The following BRI3BP variants were observed in gnomAD, a reference collection of about 807,000 sequenced individuals.
BRI3BP encodes the protein BRI3-binding protein.
A neutral mutation model predicts 15.8 loss-of-function variants in BRI3BP; 7 were observed. The observed-to-expected ratio is 0.44, with a 90% CI of 0.25 to 0.83. The LOEUF (loss-of-function observed/expected upper bound fraction) is 0.83, where lower values mean the gene tolerates loss of function less well. Ranked by LOEUF, BRI3BP falls within the 40% of genes least tolerant of loss-of-function variation. BRI3BP has a pLI of 0.20. For synonymous variants in BRI3BP, 192 were observed against 163.5 expected (o/e 1.17, Z -1.33); for missense variants, 320 against 339.3 (o/e 0.94, Z 0.45).
chr12:125,025,022 C>A lies in BRI3BP; in HGVS notation c.348C>A (p.Ala116=). Reference sequence around the variant, plus strand: ...ACCTGTCCCAGTATTTCAGCCCAGCCTCGGTGTCCAGCAGCCCGGCCCGCG... The same window carrying A: ...ACCTGTCCCAGTATTTCAGCCCAGCATCGGTGTCCAGCAGCCCGGCCCGCG... ...VSNLSQYFSP[A]SVSSSPARAL... Residue 116 remains alanine (A), a synonymous_variant, in exon 3 of 3, where the codon GCC becomes GCA. Coordinates refer to ENST00000341446, the MANE Select transcript of BRI3BP (RefSeq NM_080626.6). 6.2e-7 allele frequency: 1 copy of A among 1,613,326 alleles called. No homozygotes were observed. The highest frequency in any genetic ancestry group is 1.3e-5 in the African/African-American group (1 of 75,060).
chr12:125,047,130 C>T, the BRI3BP span, among the ~76,000 whole-genome samples: 3 of 151,828 alleles, frequency 2.0e-5, no homozygotes, highest in Non-Finnish European at 4.4e-5. Context: ...TATAGCGTAA[C>T]GCAATTTCAG....
At chr12:125,007,371 A>C (rs1020663857) in intron 1 of BRI3BP, among the ~76,000 whole-genome samples, 1 of 152,076 alleles carries the variant, frequency 6.6e-6, no homozygotes, top group Non-Finnish European at 1.5e-5. Context: ...CCAACATAGG[A>C]AAACCCTGTC....
chr12:125,039,348 G>C, the BRI3BP span, among the ~76,000 whole-genome samples: 1 of 152,088 alleles, frequency 6.6e-6, no homozygotes, highest in Non-Finnish European at 1.5e-5. Context: ...TTCTCAGTCA[G>C]TTAAACCAAT....
At chr12:125,004,515 A>G (rs1486526266) in intron 1 of BRI3BP, among the ~76,000 whole-genome samples, 1 of 152,206 alleles carries the variant, frequency 6.6e-6, no homozygotes, top group Non-Finnish European at 1.5e-5. Context: ...TTTTATAAGT[A>G]GAGTTTAAAA....
chr12:125,002,082 T>A (rs1005666082), intron 1 of BRI3BP, among the ~76,000 whole-genome samples: 2 of 152,210 alleles, frequency 1.3e-5, no homozygotes, highest in Admixed American at 6.6e-5. Context: ...TATTCCTCTT[T>A]ATGGCTTTTT....
downstream of BRI3BP, among the ~76,000 whole-genome samples, chr12:125,033,837 G>T (rs776738892): frequency 6.6e-6 from 1 of 151,336 alleles, no homozygotes; most frequent in South Asian, 2.1e-4. Flanking sequence ...CCATCTCCAC[G>T]GTTCAAGCAA....
chr12:125,036,460 A>C, the BRI3BP span, among the ~76,000 whole-genome samples: 1 of 151,960 alleles, frequency 6.6e-6, no homozygotes, highest in Non-Finnish European at 1.5e-5. Context: ...TTTATTTAGT[A>C]ACTGCTCATC....
chr12:125,003,982 C>T (rs1955119941), intron 1 of BRI3BP, among the ~76,000 whole-genome samples: 1 of 150,924 alleles, frequency 6.6e-6, no homozygotes, highest in African/African-American at 2.4e-5. Context: ...CACACACACA[C>T]ACACACACAC....
At chr12:125,008,299 C>CTTTTTTTTTTTT (rs55697100) in intron 1 of BRI3BP, among the ~76,000 whole-genome samples, 32 of 99,928 alleles carry the variant, frequency 3.2e-4, no homozygotes, top group African/African-American at 6.9e-4. Context: ...CCTCTTCTTT[C>CTTTTTTTTTTTT]TTTTTTTTTT....
At chr12:125,021,825 C>G (rs975641872) in intron 2 of BRI3BP, among the ~76,000 whole-genome samples, 10 of 152,158 alleles carry the variant, frequency 6.6e-5, no homozygotes, top group Non-Finnish European at 7.4e-5. Context: ...CCAATCACCT[C>G]CTACCAGGTC....
At chr12:125,010,235 C>CTCCATT (rs1955185848) in intron 1 of BRI3BP, among the ~76,000 whole-genome samples, 1 of 152,186 alleles carries the variant, frequency 6.6e-6, no homozygotes, top group African/African-American at 2.4e-5. Context: ...GTACTGTTAT[C>CTCCATT]TCCATTGTTA....
chr12:125,044,740 G>A, the BRI3BP span, among the ~76,000 whole-genome samples: 5 of 151,990 alleles, frequency 3.3e-5, no homozygotes, highest in South Asian at 2.1e-4. Context: ...ATGAGCCACC[G>A]CACCTGTCCC....
intron 1 of BRI3BP, among the ~76,000 whole-genome samples, chr12:125,000,317 T>TTTG (rs1450763986): frequency 1.6e-4 from 22 of 139,798 alleles, no homozygotes; most frequent in Admixed American, 3.0e-4. Context: ...GATTTTTTTT[T>TTTG]TTTTTTTTTT....
intron 1 of BRI3BP, among the ~76,000 whole-genome samples, chr12:124,997,810 G>A (rs1046627746): frequency 5.3e-5 from 8 of 151,948 alleles, no homozygotes; most frequent in South Asian, 4.2e-4. Flanking sequence ...TCAACATGGC[G>A]AAACCCTGTC....
In BRI3BP at chr12:125,022,774, A is replaced by G. The variant is rs188879589; in HGVS notation, c.317-2217A>G. ...ACTCCTGATCTCAGGTGATCCACCC[A>G]CCTTGGCCTCCCAAATGCTGGCATG... On this transcript the variant is annotated intron_variant, in intron 2 of 2. Coordinates refer to ENST00000341446, the MANE Select transcript of BRI3BP (RefSeq NM_080626.6). Among the ~76,000 whole-genome samples, 349 of 152,106 alleles carry G rather than the reference A, an allele frequency of 2.3e-3. 2 individuals carry two copies. The Middle Eastern group carries it at 0.034, about 15-fold the overall frequency.
chr12:125,025,529 A>G lies in BRI3BP; in HGVS notation c.*99A>G. ...CAAACCCCAAACAATCTTAATAAAC[A>G]CGACTGAGCAAGAAAGTGGCGCTGT... On this transcript the variant is annotated 3_prime_UTR_variant, in exon 3 of 3. Transcript: ENST00000341446. 2 of 1,222,848 alleles carry G rather than the reference A, an allele frequency of 1.6e-6. No individual in the cohort carries two copies. The highest frequency in any genetic ancestry group is 3.2e-5 in the South Asian group (2 of 61,690). 75.7% of individuals were successfully genotyped at this position (1,222,848 alleles called of 1,614,324 possible). A position where few individuals can be genotyped will look rare whatever the true frequency, so the allele number is the denominator to read the frequency against.
intron 1 of BRI3BP, among the ~76,000 whole-genome samples, chr12:125,002,437 A>G (rs1594528053): frequency 6.7e-6 from 1 of 149,248 alleles, no homozygotes; most frequent in African/African-American, 2.5e-5. Flanking sequence ...TTGACAGTCC[A>G]GAACTGGTTT....
chr12:125,040,349 G>GT, the BRI3BP span, among the ~76,000 whole-genome samples: 7 of 149,506 alleles, frequency 4.7e-5, no homozygotes, highest in African/African-American at 9.8e-5. Flanking sequence ...CTTTTTGTTT[G>GT]TTTTTTTGTT....
downstream of BRI3BP, among the ~76,000 whole-genome samples, chr12:125,034,910 T>G (rs1247324658): frequency 2.0e-5 from 3 of 152,158 alleles, no homozygotes; most frequent in Non-Finnish European, 4.4e-5. Context: ...TTCTAGCATT[T>G]TATGTAAATG....
Sources: allele counts gnomAD v4.1 joint callset (sites outside exome capture counted in the v4.1 genomes callset), GRCh38; gene constraint gnomAD v4.1.1; transcripts MANE v1.5; gene names NCBI Gene and HGNC (gene_info 2026-07-23, HGNC 2026-07-21).